ASTN2: variants seen among roughly 807,000 people sequenced by gnomAD.
ASTN2 encodes the protein astrotactin-2.
ASTN2 carries 54 observed loss-of-function variants against 139.8 expected under a neutral mutation model. The observed-to-expected ratio is 0.39, with a 90% CI of 0.31 to 0.48. The LOEUF is 0.48. ASTN2 is among the 20% of genes least tolerant of loss of function. ASTN2 has a pLI of 0.95. For synonymous variants in ASTN2, 756 were observed against 719.5 expected, an observed-to-expected ratio of 1.05 and a Z score of -0.81; for missense variants, 1,565 against 1,725.1, an observed-to-expected ratio of 0.91 and a Z score of 1.64.
chr9:116,881,565 A>G (rs1833450567), intron 10 of ASTN2, among the ~76,000 whole-genome samples: 1 of 152,246 alleles, frequency 6.6e-6, no homozygotes, highest in South Asian at 2.1e-4. Flanking sequence ...CACTTAAAGC[A>G]CCACATGCAT....
chr9:116,743,674 T>C (rs991076672), intron 13 of ASTN2, among the ~76,000 whole-genome samples: 1 of 152,116 alleles, frequency 6.6e-6, no homozygotes, highest in African/African-American at 2.4e-5. Flanking sequence ...CCGAGCTAAT[T>C]GTATTTTTAG....
chr9:117,411,594 C>T (rs903945465), intron 1 of ASTN2, among the ~76,000 whole-genome samples: 3 of 152,130 alleles, frequency 2.0e-5, no homozygotes, highest in Non-Finnish European at 4.4e-5. Context: ...GCAAAATTAC[C>T]TTGAGGTCCC....
At chr9:116,618,200 T>A (rs1212623662) in intron 19 of ASTN2, 124 bp downstream of exon 19, 19 of 1,088,624 alleles carry the variant, frequency 1.7e-5, no homozygotes, top group Non-Finnish European at 2.3e-5. Context: ...GAAAAATCAC[T>A]AAACAATGAA....
At chr9:116,844,485 G>A (rs990863064) in intron 11 of ASTN2, among the ~76,000 whole-genome samples, 1 of 151,944 alleles carries the variant, frequency 6.6e-6, no homozygotes, top group African/African-American at 2.4e-5. Context: ...AATCCCACCT[G>A]TCTTTGCCAC....
chr9:117,108,265 T>G (rs1789418498), intron 4 of ASTN2, among the ~76,000 whole-genome samples: 1 of 152,164 alleles, frequency 6.6e-6, no homozygotes, highest in Non-Finnish European at 1.5e-5. Context: ...GACACTGACA[T>G]TCATGTTGGA....
intron 16 of ASTN2, among the ~76,000 whole-genome samples, chr9:116,663,998 T>C (rs1858716820): frequency 6.6e-6 from 1 of 152,152 alleles, no homozygotes; most frequent in Non-Finnish European, 1.5e-5. Flanking sequence ...CAGTTATAAA[T>C]TCTGGAAATT....
chr9:117,368,892 G>A (rs146938219), intron 1 of ASTN2, among the ~76,000 whole-genome samples: 22 of 152,246 alleles, frequency 1.4e-4, no homozygotes, highest in African/African-American at 4.3e-4. Context: ...CTTAAGGAAC[G>A]CCCTGAACCT....
chr9:116,860,962 T>TA (rs1200846008), intron 11 of ASTN2, among the ~76,000 whole-genome samples: 1 of 152,172 alleles, frequency 6.6e-6, no homozygotes, highest in Non-Finnish European at 1.5e-5. Flanking sequence ...GAAAGGGATT[T>TA]AAAATCTCAG....
chr9:116,882,572 G>C (rs1414233768), intron 10 of ASTN2, among the ~76,000 whole-genome samples: 2 of 152,094 alleles, frequency 1.3e-5, no homozygotes, highest in African/African-American at 4.8e-5. Flanking sequence ...ACAAAAAACT[G>C]GGAGACTGCA....
intron 4 of ASTN2, among the ~76,000 whole-genome samples, chr9:117,103,824 A>T (rs1424611006): frequency 6.6e-6 from 1 of 152,228 alleles, no homozygotes; most frequent in African/African-American, 2.4e-5. Flanking sequence ...GGTCCCAGTC[A>T]TAGAAAAAGG....
chr9:117,273,780 A>G (rs1475453589), intron 2 of ASTN2, among the ~76,000 whole-genome samples: 1 of 152,234 alleles, frequency 6.6e-6, no homozygotes, highest in Non-Finnish European at 1.5e-5. Context: ...AAATCTGCAC[A>G]AGCAGCAGTT....
chr9:116,577,579 A>G (rs1853774066), intron 19 of ASTN2, among the ~76,000 whole-genome samples: 1 of 152,182 alleles, frequency 6.6e-6, no homozygotes, highest in Non-Finnish European at 1.5e-5. Flanking sequence ...GTTATGATCC[A>G]GTGTGATGAG....
Position 116,663,129 on chromosome 9 carries a change from AG to A in ASTN2, c.2807-11337del, listed in dbSNP as rs11364702. Among the ~76,000 whole-genome samples the A allele has an allele frequency of 5.8e-3, 884 of 152,344 alleles. 10 individuals carry two copies. Among genetic ancestry groups the A allele is most frequent in the African/African-American group, 0.02 (832 of 41,584 alleles). ...CCTCCTTCCAATCACTTCTCAGGCTAGGGGTCAAAGAGGAAATGCTCAGAAA... is the reference window on the plus strand; with the variant it reads ...CCTCCTTCCAATCACTTCTCAGGCTAGGGTCAAAGAGGAAATGCTCAGAAA... On this transcript the variant is annotated intron_variant, in intron 16 of 22. Transcript: ENST00000313400.
rs570410967 is a variant in ASTN2 at position 116,752,268 on chromosome 9, T to C, written c.2397-18745A>G. Among the ~76,000 whole-genome samples the C allele has an allele frequency of 6.6e-5, 10 of 152,200 alleles. No homozygotes were observed. The East Asian group carries it at 1.2e-3, about 18-fold the overall frequency. ...GAGAAAAGGTAGTCTTTTTGACAAA[T>C]GGTGCTGAAACAAATAGACATCCAT... On this transcript the variant is annotated intron_variant, in intron 13 of 22. Transcript: ENST00000313400.
intron 10 of ASTN2, among the ~76,000 whole-genome samples, chr9:116,967,681 A>G (rs1293383468): frequency 6.6e-6 from 1 of 152,220 alleles, no homozygotes; most frequent in Non-Finnish European, 1.5e-5. Context: ...CCAACAGGAC[A>G]GAGATATCTT....
chr9:116,714,185 G>A (rs1212356510), intron 16 of ASTN2, among the ~76,000 whole-genome samples: 3 of 152,104 alleles, frequency 2.0e-5, no homozygotes, highest in African/African-American at 7.2e-5. Flanking sequence ...ATGCTCCCAT[G>A]TGCCCTACTG....
intron 22 of ASTN2, among the ~76,000 whole-genome samples, chr9:116,436,079 C>T (rs2118848528): frequency 6.6e-6 from 1 of 152,346 alleles, no homozygotes; most frequent in South Asian, 2.1e-4. Context: ...GGCAGGATCT[C>T]TGCCATCTTC....
intron 5 of ASTN2, among the ~76,000 whole-genome samples, chr9:117,079,031 C>T (rs562337838): frequency 3.3e-5 from 5 of 152,254 alleles, no homozygotes; most frequent in South Asian, 2.1e-4. Flanking sequence ...CCACTGCACC[C>T]GGCCATCAAC....
At chr9:117,004,456 A>G (rs1245482737) in intron 7 of ASTN2, among the ~76,000 whole-genome samples, 1 of 152,160 alleles carries the variant, frequency 6.6e-6, no homozygotes, top group Non-Finnish European at 1.5e-5. Context: ...AATATGCTGA[A>G]ACAGGCTCCT....
Sources: gnomAD v4.1 joint callset for allele counts (sites outside exome capture counted in the v4.1 genomes callset) on GRCh38, gnomAD v4.1.1 for gene constraint, MANE v1.5 for transcripts, NCBI Gene and HGNC (gene_info 2026-07-23, HGNC 2026-07-21) for gene names.